Variants in NPFFR2 observed in about 807,000 individuals in gnomAD.
NPFFR2 encodes the protein neuropeptide FF receptor 2.
In NPFFR2, 15 loss-of-function variants were observed where a neutral mutation model predicts 13.1. That is an observed-to-expected ratio of 1.15 (90% CI 0.77 to 1.76). The LOEUF (loss-of-function observed/expected upper bound fraction) is 1.76. Ranked by LOEUF, NPFFR2 falls within the 40% of genes most tolerant of loss-of-function variation. NPFFR2 has a pLI of 0.00. For missense variants in NPFFR2, 572 were observed against 503.5 expected (o/e 1.14, Z -1.30); for synonymous variants, 190 against 175.7 (o/e 1.08, Z -0.65).
chr4:72,102,413 C>T (rs142780215), intron 1 of NPFFR2, among the ~76,000 whole-genome samples: 2,964 of 151,934 alleles, frequency 0.02, 88 homozygotes, highest in African/African-American at 0.062. Flanking sequence ...TTTTAGGGTA[C>T]GTATGCACAA....
At chr4:72,042,710 C>A (rs1171608001) in intron 1 of NPFFR2, among the ~76,000 whole-genome samples, 1 of 152,040 alleles carries the variant, frequency 6.6e-6, no homozygotes, top group Non-Finnish European at 1.5e-5. Flanking sequence ...GTGGAACACT[C>A]AACTTGAGAG....
intron 1 of NPFFR2, among the ~76,000 whole-genome samples, chr4:72,033,118 A>T (rs543760665): frequency 6.6e-6 from 1 of 152,324 alleles, no homozygotes; most frequent in African/African-American, 2.4e-5. Flanking sequence ...GGATGGAAAA[A>T]TCAATGGTTT....
rs184469171 is a variant in NPFFR2, at chr4:72,077,842, G to T, written c.-8+45642G>T. ...TATTAGAAAGCCAGCATGAAGCGACGTGTTTTTGTAAAAAATAGATTTGCC... is the reference window on the plus strand; with the variant it reads ...TATTAGAAAGCCAGCATGAAGCGACTTGTTTTTGTAAAAAATAGATTTGCC... On this transcript the variant is annotated intron_variant, in intron 1 of 3. Transcript: ENST00000308744. Among the ~76,000 whole-genome samples, 5 of 152,138 alleles carry T rather than the reference G, an allele frequency of 3.3e-5. No homozygotes were observed. In the East Asian group the frequency reaches 9.6e-4, roughly 29 times the overall value.
chr4:72,075,283 G>T (rs1434388417), intron 1 of NPFFR2, among the ~76,000 whole-genome samples: 3 of 152,076 alleles, frequency 2.0e-5, no homozygotes, highest in Non-Finnish European at 4.4e-5. Flanking sequence ...AGTCAAACTG[G>T]CTCTCCTTGC....
chr4:72,046,450 T>C (rs1719385285), intron 1 of NPFFR2, among the ~76,000 whole-genome samples: 1 of 152,108 alleles, frequency 6.6e-6, no homozygotes, highest in Admixed American at 6.6e-5. Flanking sequence ...TTGCTTACCC[T>C]TCCACAGTGG....
chr4:72,079,927 G>C (rs1184302283), intron 1 of NPFFR2, among the ~76,000 whole-genome samples: 14 of 152,090 alleles, frequency 9.2e-5, no homozygotes. Context: ...ATACATTTTT[G>C]TGCTTTTAAA....
In NPFFR2 at chr4:72,126,568, G is replaced by T. The variant is rs373152175; in HGVS notation, c.-7-2017G>T. Among the ~76,000 whole-genome samples, 18 of 152,180 alleles carry T rather than the reference G, an allele frequency of 1.2e-4. 1 individual carries two copies. The highest frequency in any genetic ancestry group is 7.3e-5 in the Non-Finnish European group (5 of 68,030). Reference sequence around the variant, plus strand: ...AAACACTTCCTATACTGATACACAGGTTTACTTAAATGATGAGTGGCTCAC... The same window carrying T: ...AAACACTTCCTATACTGATACACAGTTTTACTTAAATGATGAGTGGCTCAC... On this transcript the variant is annotated intron_variant, in intron 1 of 3. Transcript: ENST00000308744.
intron 1 of NPFFR2, among the ~76,000 whole-genome samples, chr4:72,127,074 A>G (rs534708328): frequency 5.9e-5 from 9 of 151,870 alleles, no homozygotes; most frequent in Middle Eastern, 3.4e-3. Context: ...AGGCTGAGGC[A>G]GGCAGATCAC....
intron 1 of NPFFR2, among the ~76,000 whole-genome samples, chr4:72,075,976 T>TAC (rs1025719017): frequency 0.013 from 1,059 of 83,156 alleles, 14 homozygotes; most frequent in African/African-American, 0.047. Flanking sequence ...CACACACACA[T>TAC]ACACACACAC....
chr4:72,124,532 C>T (rs532316431), intron 1 of NPFFR2, among the ~76,000 whole-genome samples: 48 of 152,056 alleles, frequency 3.2e-4, no homozygotes, highest in African/African-American at 6.5e-4. Context: ...AGTTACAGTA[C>T]GGTTTGGTAC....
intron 1 of NPFFR2, among the ~76,000 whole-genome samples, chr4:72,040,436 A>G (rs1056937940): frequency 6.6e-6 from 1 of 152,142 alleles, no homozygotes; most frequent in Non-Finnish European, 1.5e-5. Flanking sequence ...TTAAAATCTC[A>G]TATATAATGG....
chr4:72,107,460 A>T (rs75924944), intron 1 of NPFFR2, among the ~76,000 whole-genome samples: 1 of 151,582 alleles, frequency 6.6e-6, no homozygotes, highest in Non-Finnish European at 1.5e-5. Context: ...AGTATTAGTT[A>T]TGGGGCCTGG....
chr4:72,128,676 GATATTA>G lies in NPFFR2; in HGVS notation c.92_97del (p.Asn31_Ile32del). On this transcript the variant is annotated inframe_deletion, in exon 2 of 4. Coordinates refer to ENST00000308744, the MANE Select transcript of NPFFR2 (RefSeq NM_004885.3). ...TGACACAAAGCATCATCTGTACTCA[GATATTA>G]ATATTACCTATGTGAACTACTATCT... 6.2e-7 allele frequency: 1 copy of G among 1,613,800 alleles called. No homozygotes were observed. Among genetic ancestry groups the G allele is most frequent in the Non-Finnish European group, 8.5e-7 (1 of 1,179,702 alleles).
At chr4:72,081,100 A>G (rs1043857074) in intron 1 of NPFFR2, among the ~76,000 whole-genome samples, 10 of 152,210 alleles carry the variant, frequency 6.6e-5, no homozygotes, top group African/African-American at 1.9e-4. Flanking sequence ...TTTATCTGCA[A>G]TACTCCAAAA....
chr4:72,074,448 C>T (rs1298054075), intron 1 of NPFFR2, among the ~76,000 whole-genome samples: 1 of 151,974 alleles, frequency 6.6e-6, no homozygotes, highest in East Asian at 1.9e-4. Flanking sequence ...TATAATTGCT[C>T]CATTTTATTA....
At position 72,128,919 on chromosome 4, in the gene NPFFR2, G is replaced by A; in HGVS notation, c.328G>A (p.Gly110Arg). 1 of 1,596,338 alleles carries A rather than the reference G, an allele frequency of 6.3e-7. No individual in the cohort carries two copies. Among genetic ancestry groups the A allele is most frequent in the South Asian group, 1.1e-5 (1 of 89,486 alleles). Residue 110 changes from glycine to arginine, a missense_variant and splice_region_variant, in exon 2 of 4, where the codon GGA becomes AGA. Physicochemically the swap from Gly to Arg is moderately radical, Grantham distance 125. Transcript: ENST00000308744. ...PITLLDNIIAGWPFGNTMCKI... is the reference protein window; with the variant it reads ...PITLLDNIIARWPFGNTMCKI... ...AACACTGCTGGACAATATTATAGCA[G>A]GTATGTTGGCTTTTGTGCAGTTTGA...
At chr4:72,127,157 C>T (rs1045158085) in intron 1 of NPFFR2, among the ~76,000 whole-genome samples, 81 of 150,276 alleles carry the variant, frequency 5.4e-4, no homozygotes, top group Admixed American at 2.7e-3. Flanking sequence ...AAAAAAAATT[C>T]GCTGGGCGTG....
chr4:72,088,885 A>G (rs1720840854), intron 1 of NPFFR2, among the ~76,000 whole-genome samples: 1 of 151,962 alleles, frequency 6.6e-6, no homozygotes, highest in African/African-American at 2.4e-5. Context: ...GGTTACATGA[A>G]TAAGTTCTTC....
In NPFFR2 at chr4:72,032,061, T is replaced by C. The variant is rs1022072576; in HGVS notation, c.-147T>C. On this transcript the variant is annotated 5_prime_UTR_variant, in exon 1 of 4. Coordinates refer to ENST00000308744, the MANE Select transcript of NPFFR2 (RefSeq NM_004885.3). ...CGGAAGCCTGGAGTGGAGCAGGCAGTCCGCGGGGGACAGACGTCGGCTGGG... is the reference window on the plus strand; with the variant it reads ...CGGAAGCCTGGAGTGGAGCAGGCAGCCCGCGGGGGACAGACGTCGGCTGGG... 7 of 1,613,984 alleles carry C rather than the reference T, an allele frequency of 4.3e-6. No individual in the cohort carries two copies. Among genetic ancestry groups the C allele is most frequent in the Non-Finnish European group, 5.9e-6 (7 of 1,179,980 alleles).
Sources: allele counts gnomAD v4.1 joint callset (sites outside exome capture counted in the v4.1 genomes callset), GRCh38; gene constraint gnomAD v4.1.1; transcripts MANE v1.5; gene names NCBI Gene and HGNC (gene_info 2026-07-23, HGNC 2026-07-21).